MGMT: variants seen among roughly 807,000 people sequenced by gnomAD.
MGMT encodes the protein methylated-DNA--protein-cysteine methyltransferase.
In MGMT, 14 loss-of-function variants were observed where a neutral mutation model predicts 15.9. The ratio of observed to expected loss-of-function variants is 0.88; its 90% CI spans 0.58 to 1.37. The LOEUF (loss-of-function observed/expected upper bound fraction) is 1.37. MGMT is among the 40% of genes most tolerant of loss of function. The pLI, the probability that MGMT is intolerant of heterozygous loss-of-function variation, is 0.00. For synonymous variants in MGMT, 130 were observed against 118.2 expected (o/e 1.10, Z -0.65); for missense variants, 282 against 268.1 (o/e 1.05, Z -0.36).
Position 129,659,062 on chromosome 10 carries a change from A to G in MGMT, c.126-48833A>G, listed in dbSNP as rs1435386251. Among the ~76,000 whole-genome samples, 1 of 152,184 alleles carries G rather than the reference A, an allele frequency of 6.6e-6. No homozygotes were observed. Among genetic ancestry groups the G allele is most frequent in the Non-Finnish European group, 1.5e-5 (1 of 68,034 alleles). On this transcript the variant is annotated intron_variant, in intron 2 of 4. Coordinates refer to ENST00000651593, the MANE Select transcript of MGMT (RefSeq NM_002412.5). The surrounding 1 kb of genome is among the most constrained non-coding windows in gnomAD (Gnocchi z 4.1). ...GGTTCTGATGACTTCATGTTGTTTC[A>G]GAAGATACTCAAGGCCGGGTGCAGT...
At chr10:129,739,760 A>G (rs1266026211) in intron 3 of MGMT, among the ~76,000 whole-genome samples, 1 of 152,138 alleles carries the variant, frequency 6.6e-6, no homozygotes. Flanking sequence ...CTTTCTTAAC[A>G]CATTATGAGT....
intron 2 of MGMT, among the ~76,000 whole-genome samples, chr10:129,615,252 G>T (rs1847011281): frequency 6.6e-6 from 1 of 152,204 alleles, no homozygotes; most frequent in Admixed American, 6.5e-5. Flanking sequence ...GACTGTGGGT[G>T]AGGAAGAGCC....
intron 1 of MGMT, among the ~76,000 whole-genome samples, chr10:129,521,268 G>A (rs766312170): frequency 3.9e-5 from 6 of 152,114 alleles, no homozygotes; most frequent in South Asian, 2.1e-4. Flanking sequence ...GGCTGGACAC[G>A]GGATTTCAAT....
intron 1 of MGMT, among the ~76,000 whole-genome samples, chr10:129,502,733 C>T (rs1330316557): frequency 6.6e-6 from 1 of 152,026 alleles, no homozygotes. Context: ...GGAAACCACA[C>T]GTGGGGATTC....
intron 2 of MGMT, among the ~76,000 whole-genome samples, chr10:129,629,684 G>A (rs1420252966): frequency 1.3e-5 from 2 of 152,146 alleles, no homozygotes; most frequent in South Asian, 2.1e-4. Flanking sequence ...GTTGCTCCAC[G>A]TTTCTGCCAT....
chr10:129,614,879 G>A (rs752412136), intron 2 of MGMT, among the ~76,000 whole-genome samples: 20 of 152,334 alleles, frequency 1.3e-4, no homozygotes, highest in South Asian at 4.1e-4. Flanking sequence ...TTTAAAATGT[G>A]TGGGTGCCGA....
intron 1 of MGMT, among the ~76,000 whole-genome samples, chr10:129,513,404 A>C (rs894619997): frequency 2.6e-5 from 4 of 152,220 alleles, no homozygotes; most frequent in African/African-American, 9.7e-5. Flanking sequence ...TGCCACAATA[A>C]AAATATATTT....
At chr10:129,467,384 C>G in intron 1 of MGMT, 88 bp downstream of exon 1, 2 of 1,392,890 alleles carry the variant, frequency 1.4e-6, no homozygotes, top group Non-Finnish European at 1.9e-6. Flanking sequence ...CAGGCGCCCT[C>G]ACTTCGCCGT....
Position 129,574,738 on chromosome 10 carries a change from AAACACTTCTGTGAGC to A in MGMT, c.125+38363_125+38377del. Among the ~76,000 whole-genome samples, 2 of 152,206 alleles carry A rather than the reference AAACACTTCTGTGAGC, an allele frequency of 1.3e-5. 1 individual carries two copies. Among genetic ancestry groups the A allele is most frequent in the Non-Finnish European group, 2.9e-5 (2 of 68,046 alleles). Reference sequence around the variant, plus strand: ...GTTAAATACTCCAGCATTCCTTGGAAAACACTTCTGTGAGCATTGTCGCAGACTTGATGATGTAGC... The same window carrying A: ...GTTAAATACTCCAGCATTCCTTGGAAATTGTCGCAGACTTGATGATGTAGC... On this transcript the variant is annotated intron_variant, in intron 2 of 4. Coordinates refer to ENST00000651593, the MANE Select transcript of MGMT (RefSeq NM_002412.5).
chr10:129,661,707 C>T lies in MGMT; in HGVS notation c.126-46188C>T, dbSNP rs78258675. Among the ~76,000 whole-genome samples the T allele has an allele frequency of 7.3e-3, 1,112 of 152,206 alleles. 7 individuals are homozygous for T. Among genetic ancestry groups the T allele is most frequent in the African/African-American group, 0.025 (1,056 of 41,512 alleles). ...GTCACGCTGGAGTTTTAAAGTTTTCCGCAATTTAATCTGACGATCAATTTA... is the reference window on the plus strand; with the variant it reads ...GTCACGCTGGAGTTTTAAAGTTTTCTGCAATTTAATCTGACGATCAATTTA... On this transcript the variant is annotated intron_variant, in intron 2 of 4. Coordinates refer to ENST00000651593, the MANE Select transcript of MGMT (RefSeq NM_002412.5).
In MGMT at chr10:129,508,735, G is replaced by A. The variant is rs564331902; in HGVS notation, c.-12-27506G>A. On this transcript the variant is annotated intron_variant, in intron 1 of 4. Coordinates refer to ENST00000651593, the MANE Select transcript of MGMT (RefSeq NM_002412.5). ...GACTTTTTGTATTTTTAGTAGAGAC[G>A]GGGTTTTCACCATGTTGGCCAGGCT... 8.0e-4 allele frequency among the ~76,000 whole-genome samples: 122 copies of A among 151,882 alleles called. 1 individual carries two copies. Among genetic ancestry groups the A allele is most frequent in the Non-Finnish European group, 1.7e-3 (113 of 67,930 alleles).
Position 129,566,852 on chromosome 10 carries a change from A to G in MGMT, c.125+30475A>G, listed in dbSNP as rs1359054311. On this transcript the variant is annotated intron_variant, in intron 2 of 4. Coordinates refer to ENST00000651593, the MANE Select transcript of MGMT (RefSeq NM_002412.5). This position sits in a 1 kb window ranked among gnomAD's most constrained non-coding sequence, Gnocchi z 4.1. ...AGGCTGGGGAGCCCCCGTGGCGAAC[A>G]GAGGCTCTAAGAGAGGGGTCTTTGT... is the stretch of plus-strand genomic sequence containing the variant. 6.6e-6 allele frequency among the ~76,000 whole-genome samples: 1 copy of G among 152,162 alleles called. No individual in the cohort carries two copies. Among genetic ancestry groups the G allele is most frequent in the Non-Finnish European group, 1.5e-5 (1 of 68,028 alleles).
intron 1 of MGMT, among the ~76,000 whole-genome samples, chr10:129,503,107 A>AT (rs762740639): frequency 0.48 from 72,131 of 148,738 alleles, 17,792 homozygotes; most frequent in Middle Eastern, 0.62. Context: ...CACTGCTTGG[A>AT]TTTTTTTTTT....
intron 2 of MGMT, among the ~76,000 whole-genome samples, chr10:129,551,693 CTTAT>C (rs911156364): frequency 8.5e-5 from 13 of 152,326 alleles, no homozygotes; most frequent in African/African-American, 3.1e-4. Context: ...TCCTTACTCT[CTTAT>C]TTATTTATTT....
intron 2 of MGMT, among the ~76,000 whole-genome samples, chr10:129,670,289 C>A (rs1847707441): frequency 6.6e-6 from 1 of 152,120 alleles, no homozygotes; most frequent in African/African-American, 2.4e-5. Flanking sequence ...CACACAATTT[C>A]ACAACCACCA....
intron 2 of MGMT, among the ~76,000 whole-genome samples, chr10:129,564,606 TCCCCCTCCTCCTCCTCC>T (rs1846327990): frequency 3.7e-5 from 1 of 27,136 alleles, no homozygotes; most frequent in Non-Finnish European, 8.4e-5. Context: ...TTCCTCCTCC[TCCCCCTCCTCCTCCTCC>T]CCTGCTTCCC....
chr10:129,746,494 A>G (rs1848698013), intron 3 of MGMT, among the ~76,000 whole-genome samples: 1 of 152,058 alleles, frequency 6.6e-6, no homozygotes, highest in Non-Finnish European at 1.5e-5. Flanking sequence ...TTGTTTAAGT[A>G]AGTCATGAGA....
rs151132897 is a variant in MGMT at position 129,489,604 on chromosome 10, C to T, written c.-13+22308C>T. ...GAATCTGCCTCTTCAGGAATATGCGCTCTTGCACTCTCTGTCTCTCTTGGA... is the reference window on the plus strand; with the variant it reads ...GAATCTGCCTCTTCAGGAATATGCGTTCTTGCACTCTCTGTCTCTCTTGGA... On this transcript the variant is annotated intron_variant, in intron 1 of 4. Transcript: ENST00000651593. 6.0e-3 allele frequency among the ~76,000 whole-genome samples: 919 copies of T among 152,130 alleles called. 5 individuals carry two copies. The highest frequency in any genetic ancestry group is 9.2e-3 in the Non-Finnish European group (628 of 68,018).
chr10:129,610,903 C>T (rs1343192221), intron 2 of MGMT, among the ~76,000 whole-genome samples: 2 of 152,182 alleles, frequency 1.3e-5, no homozygotes, highest in Non-Finnish European at 2.9e-5. Context: ...ACAACAGTGT[C>T]TAGCACAAAG....
Sources: allele counts gnomAD v4.1 joint callset (sites outside exome capture counted in the v4.1 genomes callset), GRCh38; gene constraint gnomAD v4.1.1; non-coding constraint Gnocchi (gnomAD v3.1); transcripts MANE v1.5; gene names NCBI Gene and HGNC (gene_info 2026-07-23, HGNC 2026-07-21).